OPCML: variants seen among roughly 807,000 people sequenced by gnomAD.
OPCML encodes the protein opioid-binding protein/cell adhesion molecule.
A neutral mutation model predicts 37.8 loss-of-function variants in OPCML; 13 were observed. The observed-to-expected ratio is 0.34, with a 90% CI of 0.22 to 0.55. The LOEUF (loss-of-function observed/expected upper bound fraction) is 0.55. OPCML is among the 20% of genes least tolerant of loss of function. The pLI, the probability that OPCML is intolerant of heterozygous loss-of-function variation, is 0.91. For synonymous variants in OPCML, 176 were observed against 168.8 expected (o/e 1.04, Z -0.33); for missense variants, 341 against 435.6 (o/e 0.78, Z 1.93).
chr11:132,962,980 A>G (rs1946125732), intron 1 of OPCML, among the ~76,000 whole-genome samples: 1 of 152,160 alleles, frequency 6.6e-6, no homozygotes, highest in African/African-American at 2.4e-5. Flanking sequence ...GGCCTGCTTG[A>G]CACGCATAGA....
chr11:133,390,620 T>C (rs1945155902), intron 1 of OPCML, among the ~76,000 whole-genome samples: 1 of 152,088 alleles, frequency 6.6e-6, no homozygotes, highest in African/African-American at 2.4e-5. Flanking sequence ...CTTAATTTGA[T>C]CAACCCAAGA....
Position 133,500,801 on chromosome 11 carries a change from A to G in OPCML, c.61+31463T>C, listed in dbSNP as rs183445560. Among the ~76,000 whole-genome samples the G allele has an allele frequency of 4.4e-3, 671 of 152,356 alleles. 5 individuals carry two copies. Among genetic ancestry groups the G allele is most frequent in the African/African-American group, 0.015 (603 of 41,574 alleles). Reference sequence around the variant, plus strand: ...ACCAATTACTGAGGTGTGAAAATAGAAACCTTCGAATTTTGAGAACAAACT... The same window carrying G: ...ACCAATTACTGAGGTGTGAAAATAGGAACCTTCGAATTTTGAGAACAAACT... On this transcript the variant is annotated intron_variant, in intron 1 of 7. Coordinates refer to ENST00000524381, the MANE Select transcript of OPCML (RefSeq NM_001012393.5).
At position 132,529,185 on chromosome 11, in the gene OPCML, A is replaced by G. The variant is rs559144241; in HGVS notation, c.381T>C (p.Val127=). 6.2e-7 allele frequency: 1 copy of G among 1,608,406 alleles called. No homozygotes were observed. Among genetic ancestry groups the G allele is most frequent in the Non-Finnish European group, 8.5e-7 (1 of 1,177,108 alleles). Residue 127 remains valine (V), a splice_region_variant and synonymous_variant, in exon 4 of 8, where the codon GTT becomes GTC. Transcript: ENST00000524381. ...AGGAGATATTCATGATCTGAGGAGGAACTGTAAGGAAACAGGATAGAAGAA... is the reference window on the plus strand; with the variant it reads ...AGGAGATATTCATGATCTGAGGAGGGACTGTAAGGAAACAGGATAGAAGAA... ...KTSRVHLIVQ[V]PPQIMNISSD...
intron 2 of OPCML, among the ~76,000 whole-genome samples, chr11:132,881,409 C>T (rs1048466831): frequency 6.6e-6 from 1 of 152,100 alleles, no homozygotes; most frequent in Non-Finnish European, 1.5e-5. Flanking sequence ...AATGCAGCCC[C>T]ACTGCAGCTG....
At chr11:132,948,540 A>C (rs7930380) in intron 1 of OPCML, among the ~76,000 whole-genome samples, 3,599 of 152,146 alleles carry the variant, frequency 0.024, 130 homozygotes, top group African/African-American at 0.08. Context: ...TTTTGGATGG[A>C]TTGGTTTTCT....
At chr11:133,104,046 C>A (rs1364075171) in intron 1 of OPCML, among the ~76,000 whole-genome samples, 1 of 152,176 alleles carries the variant, frequency 6.6e-6, no homozygotes. Context: ...CAGGCTGAGA[C>A]AATTAGCAAC....
intron 1 of OPCML, among the ~76,000 whole-genome samples, chr11:133,090,853 G>A (rs1007566909): frequency 1.3e-5 from 2 of 152,226 alleles, no homozygotes; most frequent in Non-Finnish European, 2.9e-5. Context: ...AGAATACCCA[G>A]AGTATGGCCA....
At chr11:133,247,273 C>A (rs1010186414) in intron 1 of OPCML, among the ~76,000 whole-genome samples, 2 of 152,140 alleles carry the variant, frequency 1.3e-5, no homozygotes, top group Non-Finnish European at 2.9e-5. Context: ...AAAAGAAACT[C>A]TAGGAGAAAT....
chr11:133,148,616 C>T (rs182983701), intron 1 of OPCML, among the ~76,000 whole-genome samples: 79 of 152,230 alleles, frequency 5.2e-4, no homozygotes, highest in Non-Finnish European at 9.3e-4. Flanking sequence ...TCCATCCCAC[C>T]GCCCTGCAGG....
intron 2 of OPCML, among the ~76,000 whole-genome samples, chr11:132,784,154 A>G (rs975580101): frequency 3.2e-4 from 48 of 152,304 alleles, no homozygotes; most frequent in African/African-American, 1.1e-3. Context: ...TAACAAGCCT[A>G]GGAAGCCAGG....
At chr11:132,640,653 T>C (rs1297205236) in intron 3 of OPCML, among the ~76,000 whole-genome samples, 1 of 152,178 alleles carries the variant, frequency 6.6e-6, no homozygotes, top group African/African-American at 2.4e-5. Flanking sequence ...AAGACTTTGT[T>C]CCCATCCTCA....
At chr11:133,157,728 T>A (rs1277081361) in intron 1 of OPCML, among the ~76,000 whole-genome samples, 2 of 152,164 alleles carry the variant, frequency 1.3e-5, no homozygotes, top group Non-Finnish European at 2.9e-5. Flanking sequence ...ATTGTACCCA[T>A]CTGTCTAAAC....
At chr11:132,882,326 A>G (rs887075540) in intron 2 of OPCML, among the ~76,000 whole-genome samples, 6 of 152,210 alleles carry the variant, frequency 3.9e-5, no homozygotes, top group African/African-American at 1.2e-4. Flanking sequence ...CCAGTACATC[A>G]TCTTTCTGCA....
At chr11:132,635,039 G>A (rs1268086343) in intron 3 of OPCML, among the ~76,000 whole-genome samples, 1 of 152,168 alleles carries the variant, frequency 6.6e-6, no homozygotes, top group African/African-American at 2.4e-5. Context: ...GTGCAATTGT[G>A]TTTGGAAATC....
chr11:132,788,874 T>C (rs1190435518), intron 2 of OPCML, among the ~76,000 whole-genome samples: 2 of 152,202 alleles, frequency 1.3e-5, no homozygotes, highest in African/African-American at 2.4e-5. Context: ...TGTTGCTCCC[T>C]GGATTAAACC....
rs550805884 is a variant in OPCML at position 133,433,151 on chromosome 11, T to C, written c.61+99113A>G. ...GAAGTTTTATTTGGTTACTTAAAAA[T>C]ATTACTAGGAGAATGGCGTGAACCC... On this transcript the variant is annotated intron_variant, in intron 1 of 7. Transcript: ENST00000524381. 1.3e-3 allele frequency among the ~76,000 whole-genome samples: 192 copies of C among 150,382 alleles called. 1 individual carries two copies. The highest frequency in any genetic ancestry group is 2.1e-3 in the Non-Finnish European group (144 of 67,952).
At position 133,422,129 on chromosome 11, in the gene OPCML, C is replaced by T. The variant is rs907639789; in HGVS notation, c.61+110135G>A. 29 of 984,502 alleles carry T rather than the reference C, an allele frequency of 2.9e-5. No individual in the cohort carries two copies. In the African/African-American group the frequency reaches 4.2e-4, roughly 14 times the overall value. 61.0% of individuals were successfully genotyped at this position (984,502 alleles called of 1,614,324 possible). ...CTATCCCTCCCCTAGCCCCCCACCC[C>T]CTGGCAGGCCCCGATGTGTTTGTTT... On this transcript the variant is annotated intron_variant, in intron 1 of 7. Transcript: ENST00000524381.
chr11:132,694,177 G>GTTT (rs1565781232), intron 2 of OPCML, among the ~76,000 whole-genome samples: 1 of 63,922 alleles, frequency 1.6e-5, no homozygotes, highest in African/African-American at 5.9e-5. Context: ...TGAAATCAAT[G>GTTT]TCTTTTTTTT....
chr11:133,082,259 C>A (rs1295501769), intron 1 of OPCML, among the ~76,000 whole-genome samples: 1 of 151,694 alleles, frequency 6.6e-6, no homozygotes. Flanking sequence ...TGGAAGCCAC[C>A]AGCTCCCGCG....
Sources: gnomAD v4.1 joint callset for allele counts (sites outside exome capture counted in the v4.1 genomes callset) on GRCh38, gnomAD v4.1.1 for gene constraint, MANE v1.5 for transcripts, NCBI Gene and HGNC (gene_info 2026-07-23, HGNC 2026-07-21) for gene names.